Variants in SNX14 observed in about 807,000 individuals in gnomAD.
The protein encoded by SNX14 is sorting nexin 14, also known as sorting nexin-14.
In SNX14, 93 loss-of-function variants were observed where a neutral mutation model predicts 133.8. The ratio of observed to expected loss-of-function variants is 0.70; its 90% confidence interval spans 0.59 to 0.83. The LOEUF (loss-of-function observed/expected upper bound fraction) is 0.83. SNX14 is among the 40% of genes least tolerant of loss of function. The pLI is 0.00. For synonymous variants in SNX14, 368 were observed against 365.6 expected, an observed-to-expected ratio of 1.01 and a Z score of -0.07; for missense variants, 945 against 1,094.9, an observed-to-expected ratio of 0.86 and a Z score of 1.93.
intron 23 of SNX14, chr6:85,517,452 T>C (rs1266065271): frequency 5.2e-6 from 1 of 192,642 alleles, no homozygotes; most frequent in Non-Finnish European, 1.0e-5. Context: ...AGTATAGCAA[T>C]TAATTTCTTA....
At chr6:85,585,394 A>C (rs1392791102) in intron 1 of SNX14, among the ~76,000 whole-genome samples, 1 of 152,134 alleles carries the variant, frequency 6.6e-6, no homozygotes, top group Non-Finnish European at 1.5e-5. Context: ...TTAAAAAAAA[A>C]CAAACAACAA....
rs369780191 is a variant in SNX14, at chr6:85,519,664, T to C, written c.2108-1616A>G. On this transcript the variant is annotated intron_variant, in intron 21 of 28. Coordinates refer to ENST00000314673, the MANE Select transcript of SNX14 (RefSeq NM_153816.6). ...GGCGGGCGGATCCCGAGGTCAGGAGTTCGAGACCAGCCTGACCAACATGGT... is the reference window on the plus strand; with the variant it reads ...GGCGGGCGGATCCCGAGGTCAGGAGCTCGAGACCAGCCTGACCAACATGGT... Among the ~76,000 whole-genome samples, 12 of 151,790 alleles carry C rather than the reference T, an allele frequency of 7.9e-5. No homozygotes were observed. The South Asian group carries it at 1.3e-3, about 16-fold the overall frequency.
At chr6:85,569,614 C>A (rs1441594260) in intron 4 of SNX14, among the ~76,000 whole-genome samples, 3 of 152,098 alleles carry the variant, frequency 2.0e-5, no homozygotes, top group Admixed American at 1.3e-4. Flanking sequence ...ATTTGATAGT[C>A]TCATTTCTAA....
At chr6:85,563,423 C>T (rs1190529104) in intron 6 of SNX14, among the ~76,000 whole-genome samples, 1 of 152,030 alleles carries the variant, frequency 6.6e-6, no homozygotes, top group African/African-American at 2.4e-5. Context: ...TAGAGTTTCG[C>T]TCTTGTTGCC....
At position 85,567,648 on chromosome 6, in the gene SNX14, G is replaced by T; in HGVS notation, c.418-71C>A. 5.0e-6 allele frequency: 5 copies of T among 1,005,150 alleles called. No homozygotes were observed. In the South Asian group the frequency reaches 7.9e-5, roughly 16 times the overall value. The allele number at this position is 1,005,150 out of a possible 1,614,324, so 62.3% of individuals were successfully genotyped here. A position where few individuals can be genotyped will look rare whatever the true frequency, so the allele number is the denominator to read the frequency against. Reference sequence around the variant, plus strand: ...TTTGGAAAATAAATGGTACCATTTGGGAATATGTAACATTACCAAGAAACA... The same window carrying T: ...TTTGGAAAATAAATGGTACCATTTGTGAATATGTAACATTACCAAGAAACA... On this transcript the variant is annotated intron_variant, in intron 4 of 28. Coordinates refer to ENST00000314673, the MANE Select transcript of SNX14 (RefSeq NM_153816.6).
intron 6 of SNX14, among the ~76,000 whole-genome samples, chr6:85,562,212 TACC>T (rs1481502904): frequency 1.2e-4 from 18 of 152,222 alleles, no homozygotes; most frequent in Middle Eastern, 3.2e-3. Flanking sequence ...GGAGTATATG[TACC>T]ACATTTTCTT....
At chr6:85,560,763 G>A in intron 6 of SNX14, among the ~76,000 whole-genome samples, 1 of 152,214 alleles carries the variant, frequency 6.6e-6, no homozygotes, top group East Asian at 1.9e-4. Context: ...GCCTGGCACA[G>A]TGGCTCACAC....
At position 85,505,576 on chromosome 6, in the gene SNX14, A is replaced by T. The variant is rs1441479372; in HGVS notation, c.*391T>A. ...GTACAAAATAAAAAAAAGGAAAACCAATCTACTAAAATATATTAACTCTAA... is the reference window on the plus strand; with the variant it reads ...GTACAAAATAAAAAAAAGGAAAACCTATCTACTAAAATATATTAACTCTAA... On this transcript the variant is annotated 3_prime_UTR_variant, in exon 29 of 29. Coordinates refer to ENST00000314673, the MANE Select transcript of SNX14 (RefSeq NM_153816.6). 1 of 182,880 alleles carries T rather than the reference A, an allele frequency of 5.5e-6. No individual in the cohort carries two copies. The highest frequency in any genetic ancestry group is 1.1e-5 in the Non-Finnish European group (1 of 89,786). The allele number at this position is 182,880 out of a possible 1,614,324, so 11.3% of individuals were successfully genotyped here. A position where few individuals can be genotyped will look rare whatever the true frequency, so the allele number is the denominator to read the frequency against.
At chr6:85,532,655 G>A (rs187568446) in intron 18 of SNX14, among the ~76,000 whole-genome samples, 6 of 151,682 alleles carry the variant, frequency 4.0e-5, no homozygotes, top group African/African-American at 1.2e-4. Flanking sequence ...GGTGCTTTTC[G>A]TTACACTCAC....
At chr6:85,513,411 G>A (rs1259344272) in intron 26 of SNX14, among the ~76,000 whole-genome samples, 2 of 152,122 alleles carry the variant, frequency 1.3e-5, no homozygotes, top group African/African-American at 4.8e-5. Context: ...TTTGCATAGT[G>A]CCTGGAATAT....
At chr6:85,570,640 G>A (rs1168224906) in intron 4 of SNX14, among the ~76,000 whole-genome samples, 2 of 152,082 alleles carry the variant, frequency 1.3e-5, no homozygotes, top group Admixed American at 1.3e-4. Context: ...GGATCACAAG[G>A]TCAGGAGTTC....
At chr6:85,568,551 G>A (rs796946679) in intron 4 of SNX14, 1 of 152,076 alleles carries the variant, frequency 6.6e-6, no homozygotes, top group Non-Finnish European at 1.5e-5. Context: ...ACAAACCCTG[G>A]GTGTTAAATC....
chr6:85,566,514 A>G (rs958150832), intron 5 of SNX14, among the ~76,000 whole-genome samples: 6 of 152,042 alleles, frequency 3.9e-5, no homozygotes, highest in African/African-American at 1.2e-4. Context: ...CCTGACCAAC[A>G]TGGGGAAACC....
At chr6:85,592,670 G>T (rs1803171314) in intron 1 of SNX14, among the ~76,000 whole-genome samples, 1 of 151,972 alleles carries the variant, frequency 6.6e-6, no homozygotes, top group Non-Finnish European at 1.5e-5. Flanking sequence ...TTTTGGGGAG[G>T]GTGGCATCAA....
At position 85,543,166 on chromosome 6, in the gene SNX14, T is replaced by A; in HGVS notation, c.1389+16A>T. 6.6e-7 allele frequency: 1 copy of A among 1,520,262 alleles called. No homozygotes were observed. Among genetic ancestry groups the A allele is most frequent in the Non-Finnish European group, 8.8e-7 (1 of 1,138,762 alleles). The allele number at this position is 1,520,262 out of a possible 1,614,324, so 94.2% of individuals were successfully genotyped here. Reference sequence around the variant, plus strand: ...ATGTATAAAAATCCTCAAACAAGGTTAATATTTTGACTTACCTCATCACTA... The same window carrying A: ...ATGTATAAAAATCCTCAAACAAGGTAAATATTTTGACTTACCTCATCACTA... On this transcript the variant is annotated intron_variant, in intron 14 of 28. Coordinates refer to ENST00000314673, the MANE Select transcript of SNX14 (RefSeq NM_153816.6).
intron 4 of SNX14, among the ~76,000 whole-genome samples, chr6:85,570,600 C>A (rs1347798361): frequency 6.6e-6 from 1 of 152,074 alleles, no homozygotes; most frequent in African/African-American, 2.4e-5. Flanking sequence ...GACTCCTATA[C>A]TACCAACACT....
intron 23 of SNX14, among the ~76,000 whole-genome samples, chr6:85,515,910 A>C (rs1774796667): frequency 6.6e-6 from 1 of 152,214 alleles, no homozygotes; most frequent in Non-Finnish European, 1.5e-5. Context: ...TGAAATAATA[A>C]AGAGATATAC....
intron 23 of SNX14, among the ~76,000 whole-genome samples, chr6:85,515,208 A>C (rs1211094114): frequency 6.9e-6 from 1 of 145,420 alleles, no homozygotes; most frequent in Non-Finnish European, 1.5e-5. Flanking sequence ...CAGAGGTAAC[A>C]GTGAGCCGAA....
At chr6:85,547,663 G>A in intron 9 of SNX14, 113 bp from the exon 10 acceptor site, 1 of 909,330 alleles carries the variant, frequency 1.1e-6, no homozygotes, top group Non-Finnish European at 1.6e-6. Context: ...AAAAATAAAT[G>A]GAGCAGTAGC....
Sources: allele counts gnomAD v4.1 joint callset (sites outside exome capture counted in the v4.1 genomes callset), GRCh38; gene constraint gnomAD v4.1.1; transcripts MANE v1.5; gene names NCBI Gene and HGNC (gene_info 2026-07-23, HGNC 2026-07-21).